The following TIA1 variants were observed in gnomAD, a reference collection of about 807,000 sequenced individuals.
TIA1 encodes cytotoxic granule associated RNA binding protein TIA1.
Under a neutral mutation model 65.9 loss-of-function variants are expected in TIA1, and 23 were observed. The ratio of observed to expected loss-of-function variants is 0.35; its 90% confidence interval spans 0.25 to 0.49. The LOEUF is 0.49. Among genes scored for constraint, TIA1 ranks in the 20% least tolerant of loss-of-function variants. TIA1 has a pLI of 0.98. For synonymous variants in TIA1, 147 were observed against 149.4 expected (o/e 0.98, Z 0.12); for missense variants, 371 against 477.9 (o/e 0.78, Z 2.09).
intron 6 of TIA1, chr2:70,224,856 A>C (rs1683124645): frequency 7.9e-7 from 1 of 1,265,520 alleles, no homozygotes; most frequent in African/African-American, 1.5e-5. Flanking sequence ...TATTGTACAG[A>C]AATTGCCTCT....
At chr2:70,247,737 T>C (rs1695023525) in intron 1 of TIA1, among the ~76,000 whole-genome samples, 1 of 152,134 alleles carries the variant, frequency 6.6e-6, no homozygotes, top group Non-Finnish European at 1.5e-5. Flanking sequence ...ATTAAATCCA[T>C]TTCCCCTCAA....
intron 7 of TIA1, among the ~76,000 whole-genome samples, chr2:70,218,030 A>T (rs1030199642): frequency 1.3e-5 from 2 of 152,234 alleles, no homozygotes; most frequent in African/African-American, 4.8e-5. Context: ...AGAGCTAGGG[A>T]CACACTGGTA....
At chr2:70,232,800 G>C (rs1687092012) in intron 2 of TIA1, among the ~76,000 whole-genome samples, 2 of 151,802 alleles carry the variant, frequency 1.3e-5, no homozygotes, top group African/African-American at 2.4e-5. Context: ...ACTCAGGAGG[G>C]GGACGTTGCA....
chr2:70,219,324 T>C (rs2104047273), intron 7 of TIA1, among the ~76,000 whole-genome samples: 1 of 152,212 alleles, frequency 6.6e-6, no homozygotes, highest in African/African-American at 2.4e-5. Context: ...GAGGTGACCT[T>C]GAAAATAGAG....
chr2:70,235,081 C>A (rs1298210338), intron 2 of TIA1, among the ~76,000 whole-genome samples: 1 of 151,994 alleles, frequency 6.6e-6, no homozygotes, highest in Non-Finnish European at 1.5e-5. Flanking sequence ...AAAAGAGAGA[C>A]CATGGGACAA....
intron 6 of TIA1, 48 bp from the exon 7 acceptor site, chr2:70,224,677 G>T (rs1207025455): frequency 1.3e-6 from 2 of 1,592,606 alleles, no homozygotes; most frequent in African/African-American, 2.7e-5. Flanking sequence ...CTATCCTCTG[G>T]ATATCAAATA....
chr2:70,209,726 C>T lies in TIA1; in HGVS notation c.*2993G>A, dbSNP rs1676004487. On this transcript the variant is annotated 3_prime_UTR_variant, in exon 13 of 13. Coordinates refer to ENST00000433529, the MANE Select transcript of TIA1 (RefSeq NM_022173.4). ...AAGAACATTATTTGAGAGAAAAAAA[C>T]TGATTTTTTTTAAAGAAATCATCAC... The T allele has an allele frequency of 5.0e-6, 2 of 398,158 alleles. No individual in the cohort carries two copies. Among genetic ancestry groups the T allele is most frequent in the Non-Finnish European group, 4.4e-6 (1 of 225,850 alleles). 24.7% of individuals were successfully genotyped at this position (398,158 alleles called of 1,614,324 possible). A position where few individuals can be genotyped will look rare whatever the true frequency, so the allele number is the denominator to read the frequency against.
intron 4 of TIA1, 33 bp downstream of exon 4, chr2:70,229,231 A>C: frequency 1.2e-6 from 2 of 1,612,720 alleles, no homozygotes; most frequent in Middle Eastern, 3.3e-4. Flanking sequence ...GTACAATAAA[A>C]ACAAATGTTC....
At chr2:70,217,117 C>A in intron 7 of TIA1, 123 bp from the exon 8 acceptor site, 1 of 882,074 alleles carries the variant, frequency 1.1e-6, no homozygotes, top group Non-Finnish European at 1.6e-6. Flanking sequence ...CTATGAAATA[C>A]ACAACATATG....
At chr2:70,243,345 T>C (rs1692745291) in intron 1 of TIA1, among the ~76,000 whole-genome samples, 1 of 152,158 alleles carries the variant, frequency 6.6e-6, no homozygotes, top group Non-Finnish European at 1.5e-5. Flanking sequence ...GAAGATCCCT[T>C]GAGCCTGAGA....
At chr2:70,218,869 G>A (rs1361494205) in intron 7 of TIA1, among the ~76,000 whole-genome samples, 1 of 152,224 alleles carries the variant, frequency 6.6e-6, no homozygotes, top group African/African-American at 2.4e-5. Flanking sequence ...CAGTAGCAGT[G>A]AATGTAACTT....
intron 6 of TIA1, among the ~76,000 whole-genome samples, chr2:70,227,395 A>G (rs1684279005): frequency 6.6e-6 from 1 of 152,308 alleles, no homozygotes; most frequent in African/African-American, 2.4e-5. Flanking sequence ...AGTACCCAAC[A>G]GATCTAAATT....
intron 1 of TIA1, among the ~76,000 whole-genome samples, chr2:70,245,472 T>G (rs1693878269): frequency 6.6e-6 from 1 of 152,222 alleles, no homozygotes; most frequent in South Asian, 2.1e-4. Context: ...ACCAGCAATG[T>G]TTTTCTAGTC....
At chr2:70,218,624 A>G (rs1051790992) in intron 7 of TIA1, among the ~76,000 whole-genome samples, 1 of 152,120 alleles carries the variant, frequency 6.6e-6, no homozygotes, top group Admixed American at 6.5e-5. Flanking sequence ...TAGTAGAGAC[A>G]GGGTTTCACC....
chr2:70,222,070 G>A (rs531144878), intron 7 of TIA1, among the ~76,000 whole-genome samples: 1 of 152,094 alleles, frequency 6.6e-6, no homozygotes, highest in South Asian at 2.1e-4. Flanking sequence ...GTGAGCCACT[G>A]TGCCCGGCCA....
chr2:70,226,380 C>A (rs971121469), intron 6 of TIA1, among the ~76,000 whole-genome samples: 1 of 152,094 alleles, frequency 6.6e-6, no homozygotes, highest in Non-Finnish European at 1.5e-5. Flanking sequence ...CAATTAAAAT[C>A]AAAGCATTTA....
chr2:70,220,466 A>G (rs1032896817), intron 7 of TIA1, among the ~76,000 whole-genome samples: 3 of 152,136 alleles, frequency 2.0e-5, no homozygotes, highest in African/African-American at 7.2e-5. Flanking sequence ...TCATGTGAAG[A>G]TGAAGGCAGA....
chr2:70,228,885 C>G, intron 5 of TIA1, 174 bp downstream of exon 5: 1 of 1,446,716 alleles, frequency 6.9e-7, no homozygotes, highest in South Asian at 1.5e-5. Flanking sequence ...ACCAAAGTAG[C>G]GGACAAGTTA....
At chr2:70,228,766 T>A in intron 5 of TIA1, 1 of 1,315,146 alleles carries the variant, frequency 7.6e-7, no homozygotes, top group African/African-American at 1.5e-5. Flanking sequence ...GATCTGGGTA[T>A]GAAGCCCAAA....
Sources: gnomAD v4.1 joint callset for allele counts (sites outside exome capture counted in the v4.1 genomes callset) on GRCh38, gnomAD v4.1.1 for gene constraint, MANE v1.5 for transcripts, NCBI Gene and HGNC (gene_info 2026-07-23, HGNC 2026-07-21) for gene names.